MAP3K7CL: variants seen among roughly 807,000 people sequenced by gnomAD.
MAP3K7CL encodes MAP3K7 C-terminal like, also known as MAP3K7 C-terminal-like protein.
A neutral mutation model predicts 18.6 loss-of-function variants in MAP3K7CL; 16 were observed. The observed-to-expected ratio is 0.86, with a 90% CI of 0.58 to 1.31. The LOEUF (loss-of-function observed/expected upper bound fraction) is 1.31, where lower values mean the gene tolerates loss of function less well. MAP3K7CL is among the 50% of genes most tolerant of loss of function. The probability of loss-of-function intolerance (pLI) is 0.00; values close to 1 mark genes in which losing one functional copy is unlikely to be tolerated. For synonymous variants in MAP3K7CL, 65 were observed against 66.8 expected (o/e 0.97, Z 0.13); for missense variants, 163 against 174.4 (o/e 0.93, Z 0.37).
intron 2 of MAP3K7CL, among the ~76,000 whole-genome samples, chr21:29,140,993 G>A (rs1331856614): frequency 6.6e-6 from 1 of 152,024 alleles, no homozygotes; most frequent in African/African-American, 2.4e-5. Context: ...CTCAGGCTGG[G>A]CTTGGACTCC....
At position 29,150,715 on chromosome 21, in the gene MAP3K7CL, C is replaced by G. The variant is rs187615329; in HGVS notation, c.132+1465C>G. 3.3e-5 allele frequency among the ~76,000 whole-genome samples: 5 copies of G among 151,940 alleles called. No individual in the cohort carries two copies. The East Asian group carries it at 9.7e-4, about 29-fold the overall frequency. ...TCTCTCCCTTCCCCACTCCCACCCC[C>G]ACCAATATGTCTTCTTTTCAGCATG... On this transcript the variant is annotated intron_variant, in intron 3 of 4. Coordinates refer to ENST00000399928, the MANE Select transcript of MAP3K7CL (RefSeq NM_001286620.2).
upstream of MAP3K7CL, among the ~76,000 whole-genome samples, chr21:29,084,721 G>A (rs781232763): frequency 6.6e-6 from 1 of 152,164 alleles, no homozygotes; most frequent in Non-Finnish European, 1.5e-5. Context: ...CACCATCGAG[G>A]TGAAAGTTAA....
intron 1 of MAP3K7CL, among the ~76,000 whole-genome samples, chr21:29,079,773 A>G (rs1156391729): frequency 6.6e-6 from 1 of 152,190 alleles, no homozygotes; most frequent in Non-Finnish European, 1.5e-5. Context: ...CAATCAATCT[A>G]CTTGAGGCTG....
chr21:29,130,512 A>G, upstream of MAP3K7CL: 2 of 763,554 alleles, frequency 2.6e-6, no homozygotes, highest in Non-Finnish European at 3.2e-6. Flanking sequence ...TGTCTTGTGA[A>G]GCAAGTCTGT....
chr21:29,145,002 T>C (rs1295233103), intron 2 of MAP3K7CL, among the ~76,000 whole-genome samples: 1 of 152,234 alleles, frequency 6.6e-6, no homozygotes, highest in Non-Finnish European at 1.5e-5. Flanking sequence ...GCAGTGAACA[T>C]CTGTTTATAT....
chr21:29,100,959 G>A (rs549208362), intron 4 of MAP3K7CL, among the ~76,000 whole-genome samples: 53 of 150,790 alleles, frequency 3.5e-4, no homozygotes, highest in African/African-American at 1.2e-3. Flanking sequence ...TGATCCGCCC[G>A]CCTCGGCCTC....
At chr21:29,143,019 T>G (rs554300206) in intron 2 of MAP3K7CL, among the ~76,000 whole-genome samples, 4 of 152,176 alleles carry the variant, frequency 2.6e-5, no homozygotes, top group Non-Finnish European at 5.9e-5. Flanking sequence ...CTACTCAGAT[T>G]CACTTGCCTT....
chr21:29,160,163 G>A, intron 4 of MAP3K7CL, 107 bp downstream of exon 4: 1 of 748,934 alleles, frequency 1.3e-6, no homozygotes, highest in Non-Finnish European at 2.2e-6. Flanking sequence ...GGGAGGCAAG[G>A]GGGTTACAGC....
At chr21:29,135,704 C>T (rs192193212) in intron 2 of MAP3K7CL, among the ~76,000 whole-genome samples, 1 of 152,308 alleles carries the variant, frequency 6.6e-6, no homozygotes, top group Non-Finnish European at 1.5e-5. Flanking sequence ...AGATGTTTTT[C>T]ATCCATCAGT....
Position 29,174,928 on chromosome 21 carries a change from G to T in MAP3K7CL, c.*36G>T, listed in dbSNP as rs892801812. On this transcript the variant is annotated 3_prime_UTR_variant, in exon 5 of 5. Coordinates refer to ENST00000399928, the MANE Select transcript of MAP3K7CL (RefSeq NM_001286620.2). ...TTCAGTGTGAGCATACGAGGCTGAT[G>T]ACTGCCCTGTGCTGGCCAAAAGATT... 1.0e-5 allele frequency: 16 copies of T among 1,598,330 alleles called. No individual in the cohort carries two copies. The highest frequency in any genetic ancestry group is 1.3e-5 in the Non-Finnish European group (15 of 1,170,070).
intron 4 of MAP3K7CL, among the ~76,000 whole-genome samples, chr21:29,163,693 C>CTTTT (rs397866386): frequency 1.6e-5 from 2 of 125,984 alleles, no homozygotes; most frequent in African/African-American, 6.1e-5. Flanking sequence ...CCCTTTCTTC[C>CTTTT]TTTTTTTTTT....
At chr21:29,151,950 T>G (rs1490332053) in intron 3 of MAP3K7CL, among the ~76,000 whole-genome samples, 1 of 152,250 alleles carries the variant, frequency 6.6e-6, no homozygotes, top group East Asian at 1.9e-4. Flanking sequence ...TTTAATGAAT[T>G]AGGCAGTTGA....
intron 4 of MAP3K7CL, among the ~76,000 whole-genome samples, chr21:29,174,116 C>T (rs554862107): frequency 6.6e-6 from 1 of 152,314 alleles, no homozygotes; most frequent in South Asian, 2.1e-4. Flanking sequence ...CAGCCTGCTT[C>T]CTCAATTCTG....
intron 4 of MAP3K7CL, among the ~76,000 whole-genome samples, chr21:29,110,308 C>T (rs2086397311): frequency 1.3e-5 from 2 of 152,154 alleles, no homozygotes; most frequent in Admixed American, 1.3e-4. Flanking sequence ...GGTACGTCTA[C>T]TTTTTCACTT....
chr21:29,095,956 G>C (rs896050306), intron 4 of MAP3K7CL, among the ~76,000 whole-genome samples: 1 of 152,176 alleles, frequency 6.6e-6, no homozygotes, highest in African/African-American at 2.4e-5. Flanking sequence ...AACATGAGGT[G>C]ATTTTGAAAC....
intron 4 of MAP3K7CL, among the ~76,000 whole-genome samples, chr21:29,096,900 A>G (rs1202235189): frequency 6.6e-6 from 1 of 152,158 alleles, no homozygotes; most frequent in Non-Finnish European, 1.5e-5. Context: ...ATGACAGAGT[A>G]TGATTACAGG....
chr21:29,168,745 G>A (rs374004613), intron 4 of MAP3K7CL, among the ~76,000 whole-genome samples: 148 of 152,272 alleles, frequency 9.7e-4, no homozygotes, highest in African/African-American at 3.2e-3. Flanking sequence ...ACTGCTCAAG[G>A]TCATTGCCAA....
At position 29,124,626 on chromosome 21, in the gene MAP3K7CL, A is replaced by G. The variant is rs115827927; in HGVS notation, c.371-24563A>G. On this transcript the variant is annotated intron_variant, in intron 4 of 6. Coordinates refer to the MAP3K7CL transcript ENST00000286791. ...CAAGGGTCCAAAAACTCTGAGGATCAGGTAAAGTCTGTCCCACAGCCTGTT... is the reference window on the plus strand; with the variant it reads ...CAAGGGTCCAAAAACTCTGAGGATCGGGTAAAGTCTGTCCCACAGCCTGTT... Among the ~76,000 whole-genome samples, 734 of 152,346 alleles carry G rather than the reference A, an allele frequency of 4.8e-3. 7 individuals are homozygous for G. Among genetic ancestry groups the G allele is most frequent in the African/African-American group, 0.017 (703 of 41,582 alleles).
intron 4 of MAP3K7CL, among the ~76,000 whole-genome samples, chr21:29,161,322 A>AT (rs200408747): frequency 1.7e-3 from 251 of 149,682 alleles, no homozygotes; most frequent in Non-Finnish European, 2.5e-3. Flanking sequence ...AAAAAAAACA[A>AT]TTTTTTTTTT....
Sources: gnomAD v4.1 joint callset for allele counts (sites outside exome capture counted in the v4.1 genomes callset) on GRCh38, gnomAD v4.1.1 for gene constraint, MANE v1.5 for transcripts, NCBI Gene and HGNC (gene_info 2026-07-23, HGNC 2026-07-21) for gene names.